The following MYH16 variants were observed in gnomAD, a reference collection of about 807,000 sequenced individuals.
MYH16 encodes the protein myosin heavy chain 16.
At chr7:99,279,897 G>A (rs1375761594) in intron 22 of MYH16, among the ~76,000 whole-genome samples, 160 bp downstream of exon 4, 3 of 151,812 alleles carry the variant, frequency 2.0e-5, no homozygotes, top group African/African-American at 2.4e-5. Context: ...ACAGAGTCTC[G>A]CTCTCGCTGT....
In MYH16 at chr7:99,287,664, G is replaced by T. The variant is rs151120415; in HGVS notation, n.3461-228G>T. Reference sequence around the variant, plus strand: ...CAGGTCCCATTCATAGGTACCCAGGGTTAGGACTTGAGTATATCTTTTTGG... The same window carrying T: ...CAGGTCCCATTCATAGGTACCCAGGTTTAGGACTTGAGTATATCTTTTTGG... On this transcript the variant is annotated intron_variant and non_coding_transcript_variant, in intron 28 of 41. Transcript: ENST00000439784. 2.8e-3 allele frequency: 965 copies of T among 340,796 alleles called. 5 individuals are homozygous for T. Among genetic ancestry groups the T allele is most frequent in the Middle Eastern group, 4.3e-3 (4 of 930 alleles). 21.1% of individuals were successfully genotyped at this position (340,796 alleles called of 1,614,324 possible).
exon 1 of MYH16, chr7:99,238,859 G>T (rs1791625744): frequency 6.5e-6 from 1 of 152,840 alleles, no homozygotes; most frequent in African/African-American, 2.4e-5. Flanking sequence ...GGAGTGTGGG[G>T]ACGATGTGGA....
At chr7:99,299,088 A>T (rs1365044696) in intron 36 of MYH16, among the ~76,000 whole-genome samples, 2 of 85,996 alleles carry the variant, frequency 2.3e-5, no homozygotes, top group African/African-American at 3.1e-4. Context: ...AATAAAAATA[A>T]AAAAAAAAAA....
chr7:99,273,301 A>G (rs1012094957), intron 19 of MYH16, 41 bp from the exon 2 acceptor site: 82 of 456,374 alleles, frequency 1.8e-4, no homozygotes, highest in African/African-American at 1.5e-3. Flanking sequence ...AGGTCCTAAC[A>G]CCTTCATTGT....
intron 1 of MYH16, chr7:99,239,107 C>T (rs11980143): frequency 0.059 from 9,050 of 152,650 alleles, 424 homozygotes; most frequent in African/African-American, 0.13. Context: ...GGCATGCTCC[C>T]GCCCAGAAGG....
chr7:99,264,780 T>C (rs1158761971), intron 15 of MYH16, among the ~76,000 whole-genome samples: 1 of 152,160 alleles, frequency 6.6e-6, no homozygotes, highest in African/African-American at 2.4e-5. Context: ...GACAGGGCTT[T>C]GCCCACACAG....
chr7:99,291,627 A>AC (rs1197011760), intron 31 of MYH16, among the ~76,000 whole-genome samples, 177 bp downstream of exon 12: 1,624 of 63,678 alleles, frequency 0.026, 35 homozygotes, highest in African/African-American at 0.082. Flanking sequence ...ACCCCCCCCC[A>AC]CCCCCCCCAC....
At position 99,248,405 on chromosome 7, in the gene MYH16, A is replaced by AT. The variant is rs201519426; in HGVS notation, n.512-576dup. Among the ~76,000 whole-genome samples the AT allele has an allele frequency of 2.3e-4, 35 of 150,348 alleles. No individual in the cohort carries two copies. In the East Asian group the frequency reaches 2.9e-3, roughly 13 times the overall value. ...GCGTGAGCCACTGCGCCCAGTCATG[A>AT]TTTTTTTTTTAAGAGATGGGTTCTT... On this transcript the variant is annotated intron_variant and non_coding_transcript_variant, in intron 3 of 41. Coordinates refer to ENST00000439784, the Ensembl canonical transcript of MYH16.
At chr7:99,260,130 T>C in intron 11 of MYH16, 2 of 1,556,370 alleles carry the variant, frequency 1.3e-6, no homozygotes, top group Non-Finnish European at 1.8e-6. Context: ...GTGCCTGTGC[T>C]GACGCCCCTC....
chr7:99,309,586 G>C (rs748890128), downstream of MYH16, among the ~76,000 whole-genome samples: 3 of 152,338 alleles, frequency 2.0e-5, no homozygotes, highest in African/African-American at 7.2e-5. Context: ...ATCCCTCCCA[G>C]TGAGCTCTGA....
intron 38 of MYH16, among the ~76,000 whole-genome samples, chr7:99,302,160 C>T (rs1235303365): frequency 6.6e-6 from 1 of 151,644 alleles, no homozygotes; most frequent in Non-Finnish European, 1.5e-5. Context: ...AAAAATTGGC[C>T]AGGTGTGGTG....
At chr7:99,252,817 A>G (rs1475404911) in exon 7 of MYH16, 1 of 156,838 alleles carries the variant, frequency 6.4e-6, no homozygotes, top group Admixed American at 6.5e-5. Context: ...GCTCAGGGCA[A>G]GTTCATCCGA....
At chr7:99,244,010 T>C (rs1388901227) in intron 2 of MYH16, among the ~76,000 whole-genome samples, 1 of 150,770 alleles carries the variant, frequency 6.6e-6, no homozygotes, top group Non-Finnish European at 1.5e-5. Context: ...TCCAAACATC[T>C]ATCCGTCAAT....
At chr7:99,268,164 C>T (rs1263496204) in intron 18 of MYH16, among the ~76,000 whole-genome samples, 2 of 152,208 alleles carry the variant, frequency 1.3e-5, no homozygotes, top group Admixed American at 6.5e-5. Context: ...GCCCTAGAAC[C>T]TGCTGGAACT....
intron 28 of MYH16, among the ~76,000 whole-genome samples, chr7:99,287,406 C>T (rs749780220): frequency 1.3e-5 from 2 of 151,794 alleles, no homozygotes; most frequent in Non-Finnish European, 2.9e-5. Flanking sequence ...TGGTGGTGGG[C>T]ACCTGTAATC....
chr7:99,273,508 G>C, intron 20 of MYH16, 85 bp downstream of exon 2: 1 of 438,144 alleles, frequency 2.3e-6, no homozygotes, highest in Non-Finnish European at 4.6e-6. Context: ...GATGCCCCTC[G>C]GGAGTGAGAG....
intron 12 of MYH16, chr7:99,260,929 T>A (rs551510024): frequency 1.3e-5 from 2 of 152,246 alleles, no homozygotes; most frequent in African/African-American, 4.8e-5. Flanking sequence ...TAGCCAGGTG[T>A]GGTGGCGGGC....
At chr7:99,263,923 C>A (rs1466646736) in intron 14 of MYH16, among the ~76,000 whole-genome samples, 1 of 152,208 alleles carries the variant, frequency 6.6e-6, no homozygotes, top group Non-Finnish European at 1.5e-5. Context: ...TCCCTGGTCT[C>A]ACCACCAAAG....
chr7:99,287,017 AC>A (rs1308819250), intron 28 of MYH16, among the ~76,000 whole-genome samples: 1 of 152,216 alleles, frequency 6.6e-6, no homozygotes, highest in Non-Finnish European at 1.5e-5. Context: ...ACAGCAGGCC[AC>A]GCAGGGCCAG....
Sources: allele counts gnomAD v4.1 joint callset (sites outside exome capture counted in the v4.1 genomes callset), GRCh38; gene constraint gnomAD v4.1.1; transcripts MANE v1.5; gene names NCBI Gene and HGNC (gene_info 2026-07-23, HGNC 2026-07-21).